SGCD: variants seen among roughly 807,000 people sequenced by gnomAD.
SGCD encodes the protein delta-sarcoglycan.
A neutral mutation model predicts 36.6 loss-of-function variants in SGCD; 18 were observed. The observed-to-expected ratio is 0.49, with a 90% CI of 0.34 to 0.73. The LOEUF (loss-of-function observed/expected upper bound fraction) is 0.73, where lower values mean the gene tolerates loss of function less well. Among genes scored for constraint, SGCD ranks in the 30% least tolerant of loss-of-function variants. The probability of loss-of-function intolerance (pLI) is 0.01; values close to 1 mark genes in which losing one functional copy is unlikely to be tolerated. For synonymous variants in SGCD, 133 were observed against 130.6 expected, an observed-to-expected ratio of 1.02 and a Z score of -0.12; for missense variants, 387 against 346.7, an observed-to-expected ratio of 1.12 and a Z score of -0.92.
intron 7 of SGCD, among the ~76,000 whole-genome samples, chr5:156,732,078 G>A (rs1317742858): frequency 6.6e-6 from 1 of 152,118 alleles, no homozygotes; most frequent in Non-Finnish European, 1.5e-5. Flanking sequence ...ATAGAGTCAT[G>A]TCATTTGTAA....
chr5:156,375,807 T>C (rs1407496644), intron 3 of SGCD, among the ~76,000 whole-genome samples: 1 of 152,214 alleles, frequency 6.6e-6, no homozygotes, highest in African/African-American at 2.4e-5. Context: ...TAGCGCATCC[T>C]ACTGAAGCCC....
chr5:156,654,641 C>G (rs1220964424), intron 7 of SGCD, among the ~76,000 whole-genome samples: 8 of 152,048 alleles, frequency 5.3e-5, no homozygotes, highest in African/African-American at 1.9e-4. Flanking sequence ...TTTCTGAGTC[C>G]TAATATCCCT....
At chr5:155,805,576 A>G in the SGCD span, among the ~76,000 whole-genome samples, 1 of 152,240 alleles carries the variant, frequency 6.6e-6, no homozygotes, top group Non-Finnish European at 1.5e-5. Flanking sequence ...ACCAGATGCC[A>G]GTAGCACTAC....
At chr5:156,322,456 A>G (rs779904115), upstream of SGCD, among the ~76,000 whole-genome samples, 2 of 152,180 alleles carry the variant, frequency 1.3e-5, no homozygotes, top group African/African-American at 2.4e-5. Context: ...CTCTGCCCTC[A>G]TGGAGAACAT....
the SGCD span, among the ~76,000 whole-genome samples, chr5:155,834,611 G>A: frequency 1.1e-4 from 16 of 152,212 alleles, no homozygotes; most frequent in South Asian, 4.1e-4. Flanking sequence ...TGCTTGCCAC[G>A]TTTCACACAC....
chr5:156,237,502 G>A (rs1765196484), intron 3 of SGCD, among the ~76,000 whole-genome samples: 1 of 152,118 alleles, frequency 6.6e-6, no homozygotes, highest in East Asian at 1.9e-4. Context: ...ACATGGGCCT[G>A]TAGTCCCACC....
chr5:156,381,518 A>G (rs561514768), intron 3 of SGCD, among the ~76,000 whole-genome samples: 21 of 152,342 alleles, frequency 1.4e-4, no homozygotes, highest in Middle Eastern at 6.8e-3. Flanking sequence ...CATAAGCATT[A>G]TATTCCAATA....
At chr5:156,059,624 G>A (rs1257483998) in intron 1 of SGCD, among the ~76,000 whole-genome samples, 1 of 136,658 alleles carries the variant, frequency 7.3e-6, no homozygotes, top group African/African-American at 3.2e-5. Context: ...TTAGGTGGCA[G>A]TCCTGCTCTG....
chr5:156,758,792 A>AAG (rs1757431272), intron 8 of SGCD, among the ~76,000 whole-genome samples: 1 of 152,148 alleles, frequency 6.6e-6, no homozygotes, highest in Admixed American at 6.5e-5. Flanking sequence ...TTAGAAAAAA[A>AAG]AAAAGCAGAA....
At chr5:155,875,613 A>C (rs1177214918) in intron 1 of SGCD, among the ~76,000 whole-genome samples, 1 of 151,498 alleles carries the variant, frequency 6.6e-6, no homozygotes, top group Non-Finnish European at 1.5e-5. Flanking sequence ...TATTATTTTT[A>C]GATAGAATTC....
intron 4 of SGCD, among the ~76,000 whole-genome samples, chr5:156,520,439 C>T (rs1224705660): frequency 1.3e-5 from 2 of 152,150 alleles, no homozygotes; most frequent in East Asian, 3.9e-4. Context: ...GTCCACACTG[C>T]CCAAAGTAAT....
Position 156,463,437 on chromosome 5 carries a change from G to A in SGCD, c.193-45164G>A, listed in dbSNP as rs80322220. Among the ~76,000 whole-genome samples, 604 of 152,186 alleles carry A rather than the reference G, an allele frequency of 4.0e-3. 8 individuals are homozygous for A. Among genetic ancestry groups the A allele is most frequent in the African/African-American group, 0.014 (566 of 41,546 alleles). On this transcript the variant is annotated intron_variant, in intron 3 of 8. Transcript: ENST00000337851. ...TTGGCTTTCAAGCACTGATAAATTT[G>A]TAATAAAGTTCTATGGGATTTAGGC...
At chr5:156,691,313 T>C (rs1754102855) in intron 7 of SGCD, among the ~76,000 whole-genome samples, 1 of 150,484 alleles carries the variant, frequency 6.6e-6, no homozygotes, top group South Asian at 2.1e-4. Flanking sequence ...TTACAATTAA[T>C]AAAAATTCAG....
chr5:156,175,462 A>G (rs1292250154), intron 3 of SGCD, among the ~76,000 whole-genome samples: 3 of 152,168 alleles, frequency 2.0e-5, no homozygotes, highest in Non-Finnish European at 4.4e-5. Flanking sequence ...CAACTACACC[A>G]TATTTTACCT....
intron 1 of SGCD, among the ~76,000 whole-genome samples, chr5:155,909,803 T>A (rs1756594792): frequency 6.6e-6 from 1 of 152,120 alleles, no homozygotes; most frequent in East Asian, 1.9e-4. Flanking sequence ...CTAAACAGCT[T>A]AACAGATGAA....
chr5:156,379,357 G>C (rs574829286), intron 3 of SGCD, among the ~76,000 whole-genome samples: 4 of 152,276 alleles, frequency 2.6e-5, no homozygotes, highest in African/African-American at 9.6e-5. Context: ...ATAAGTAGAG[G>C]AGTTATGCAT....
intron 3 of SGCD, among the ~76,000 whole-genome samples, chr5:156,126,037 C>G (rs943740340): frequency 6.6e-6 from 1 of 151,866 alleles, no homozygotes; most frequent in African/African-American, 2.4e-5. Flanking sequence ...GCCACCACGC[C>G]TGGCTAATAT....
the SGCD span, among the ~76,000 whole-genome samples, chr5:155,758,888 C>G: frequency 6.6e-6 from 1 of 152,146 alleles, no homozygotes; most frequent in Admixed American, 6.5e-5. Context: ...TAACTGCCTT[C>G]TATTTTATGC....
chr5:156,224,784 A>G (rs1764807613), intron 3 of SGCD, among the ~76,000 whole-genome samples: 1 of 152,166 alleles, frequency 6.6e-6, no homozygotes, highest in Non-Finnish European at 1.5e-5. Context: ...TGTCTCAAGC[A>G]TTAGGCCTTT....
Sources: allele counts gnomAD v4.1 joint callset (sites outside exome capture counted in the v4.1 genomes callset), GRCh38; gene constraint gnomAD v4.1.1; transcripts MANE v1.5; gene names NCBI Gene and HGNC (gene_info 2026-07-23, HGNC 2026-07-21).